The following ADAM22 variants were observed in gnomAD, a reference collection of about 807,000 sequenced individuals.
ADAM22 encodes the protein ADAM metallopeptidase domain 22, also known as disintegrin and metalloproteinase domain-containing protein 22.
In ADAM22, 65 loss-of-function variants were observed where a neutral mutation model predicts 144.6. The ratio of observed to expected loss-of-function variants is 0.45; its 90% CI spans 0.37 to 0.55. The LOEUF (loss-of-function observed/expected upper bound fraction) is 0.55, where lower values mean the gene tolerates loss of function less well. Ranked by LOEUF, ADAM22 falls within the 20% of genes least tolerant of loss-of-function variation. The probability of loss-of-function intolerance (pLI) is 0.00; values close to 1 mark genes in which losing one functional copy is unlikely to be tolerated. For missense variants in ADAM22, 974 were observed against 1,184.9 expected, an observed-to-expected ratio of 0.82 and a Z score of 2.61; for synonymous variants, 391 against 412.6, an observed-to-expected ratio of 0.95 and a Z score of 0.63.
At chr7:88,004,175 C>T (rs10263602) in intron 3 of ADAM22, among the ~76,000 whole-genome samples, 3,033 of 152,260 alleles carry the variant, frequency 0.02, 60 homozygotes, top group African/African-American at 0.054. Flanking sequence ...AGACCTGTAA[C>T]CATTTTCCTG....
intron 3 of ADAM22, among the ~76,000 whole-genome samples, chr7:88,029,967 C>G (rs1460556944): frequency 1.3e-5 from 2 of 151,872 alleles, no homozygotes; most frequent in Non-Finnish European, 2.9e-5. Context: ...GCTAAAGTCT[C>G]TTGGTGTTCT....
chr7:87,950,408 C>A (rs13233691), intron 2 of ADAM22, among the ~76,000 whole-genome samples: 5 of 144,144 alleles, frequency 3.5e-5, no homozygotes, highest in Admixed American at 6.9e-5. Flanking sequence ...TTGTTCTTGC[C>A]ATAGTTTACT....
intron 26 of ADAM22, among the ~76,000 whole-genome samples, chr7:88,173,309 T>G (rs962873747): frequency 6.6e-6 from 1 of 152,092 alleles, no homozygotes; most frequent in Non-Finnish European, 1.5e-5. Flanking sequence ...TCTTTTGGAA[T>G]CTAGTCCATC....
intron 27 of ADAM22, 106 bp from the exon 28 acceptor site, chr7:88,181,399 A>G (rs542675082): frequency 4.8e-6 from 4 of 831,608 alleles, no homozygotes; most frequent in Non-Finnish European, 7.4e-6. Flanking sequence ...TTCTTTCTTG[A>G]TTTATTTTAT....
intron 3 of ADAM22, among the ~76,000 whole-genome samples, chr7:88,008,442 C>T (rs558625705): frequency 1.3e-3 from 202 of 152,080 alleles, no homozygotes; most frequent in African/African-American, 4.8e-3. Context: ...TATAAAGACA[C>T]ATGCACACAT....
At chr7:88,053,907 G>A (rs575641919) in intron 3 of ADAM22, among the ~76,000 whole-genome samples, 2 of 152,214 alleles carry the variant, frequency 1.3e-5, no homozygotes, top group South Asian at 4.1e-4. Context: ...GAGGCGGGCA[G>A]ATCACCTGAG....
chr7:87,939,990 C>T lies in ADAM22; in HGVS notation c.246+4804C>T, dbSNP rs1252329602. On this transcript the variant is annotated intron_variant, in intron 2 of 31. Coordinates refer to ENST00000413139, the MANE Select transcript of ADAM22 (RefSeq NM_001324418.2). The stretch of plus-strand genomic sequence containing the variant: ...AGGTGGATCATTTGAGGTCAGGATT[C>T]GAGACCAGCCTGACCAATATGGTGA... Among the ~76,000 whole-genome samples the T allele has an allele frequency of 4.6e-5, 7 of 151,914 alleles. 1 individual carries two copies. The East Asian group carries it at 1.2e-3, about 25-fold the overall frequency.
chr7:88,090,270 C>T (rs1424899856), intron 4 of ADAM22, among the ~76,000 whole-genome samples: 4 of 152,100 alleles, frequency 2.6e-5, no homozygotes, highest in Non-Finnish European at 5.9e-5. Flanking sequence ...AAAGAGAACC[C>T]TCAGGTGCAG....
At position 87,934,313 on chromosome 7, in the gene ADAM22, T is replaced by G; in HGVS notation, c.-153T>G. 1.6e-6 allele frequency: 1 copy of G among 619,212 alleles called. No homozygotes were observed. The highest frequency in any genetic ancestry group is 2.7e-6 in the Non-Finnish European group (1 of 374,818). The allele number at this position is 619,212 out of a possible 1,614,324, so 38.4% of individuals were successfully genotyped here. A position where few individuals can be genotyped will look rare whatever the true frequency, so the allele number is the denominator to read the frequency against. On this transcript the variant is annotated 5_prime_UTR_variant, in exon 1 of 32. Transcript: ENST00000413139. ...AGCACAATGCAGCACTGAGCCGCGG[T>G]GGAGGTTGCAGCGCCACGGCCGCCG...
intron 3 of ADAM22, among the ~76,000 whole-genome samples, chr7:88,040,656 A>T (rs1226302543): frequency 2.0e-5 from 3 of 151,924 alleles, no homozygotes; most frequent in African/African-American, 7.3e-5. Context: ...TTAGTGGCTT[A>T]AAATAACACA....
At chr7:88,053,545 CAAAA>C (rs1172849605) in intron 3 of ADAM22, among the ~76,000 whole-genome samples, 128 of 103,352 alleles carry the variant, frequency 1.2e-3, no homozygotes, top group Non-Finnish European at 1.5e-3. Context: ...CAGGATAACT[CAAAA>C]AAGAAAGAAA....
Position 87,956,107 on chromosome 7 carries a change from C to T in ADAM22, c.246+20921C>T, listed in dbSNP as rs182633347. On this transcript the variant is annotated intron_variant, in intron 2 of 31. Transcript: ENST00000413139. Reference sequence around the variant, plus strand: ...AGTGAGGCAATGCCTCACCCTGCTTCGGCTGGCGCACAGTGTGCTGCATCC... The same window carrying T: ...AGTGAGGCAATGCCTCACCCTGCTTTGGCTGGCGCACAGTGTGCTGCATCC... Among the ~76,000 whole-genome samples, 699 of 152,318 alleles carry T rather than the reference C, an allele frequency of 4.6e-3. 3 individuals carry two copies. Among genetic ancestry groups the T allele is most frequent in the African/African-American group, 0.016 (659 of 41,580 alleles).
intron 4 of ADAM22, among the ~76,000 whole-genome samples, chr7:88,093,237 A>G (rs1820405583): frequency 6.6e-6 from 1 of 152,138 alleles, no homozygotes; most frequent in Non-Finnish European, 1.5e-5. Flanking sequence ...TTATAATTGA[A>G]CAGAAAGTAG....
chr7:88,100,328 A>G (rs1348244960), intron 4 of ADAM22, among the ~76,000 whole-genome samples: 1 of 152,218 alleles, frequency 6.6e-6, no homozygotes, highest in Non-Finnish European at 1.5e-5. Context: ...TTTTTTTGAC[A>G]GGAACTGATA....
chr7:87,989,776 G>C (rs976460208), intron 3 of ADAM22, among the ~76,000 whole-genome samples: 2 of 151,974 alleles, frequency 1.3e-5, no homozygotes, highest in African/African-American at 2.4e-5. Flanking sequence ...ATTTTCCAGG[G>C]GTGGTGGCAC....
chr7:88,024,490 T>C (rs901216400), intron 3 of ADAM22, among the ~76,000 whole-genome samples: 2 of 152,186 alleles, frequency 1.3e-5, no homozygotes, highest in African/African-American at 2.4e-5. Context: ...TATGTCTTCT[T>C]TGGATAAATG....
chr7:88,000,298 A>T (rs1228469727), intron 3 of ADAM22, among the ~76,000 whole-genome samples: 3 of 152,186 alleles, frequency 2.0e-5, no homozygotes, highest in African/African-American at 7.2e-5. Context: ...AGAGATAAAA[A>T]TATACATCAA....
intron 6 of ADAM22, among the ~76,000 whole-genome samples, chr7:88,115,520 CAGAG>C (rs142773750): frequency 6.0e-5 from 9 of 150,268 alleles, no homozygotes; most frequent in African/African-American, 1.2e-4. Flanking sequence ...TCTCACATGG[CAGAG>C]AGAGAGAGAG....
In ADAM22 at chr7:88,095,562, G is replaced by A. The variant is rs184787647; in HGVS notation, c.391-12614G>A. On this transcript the variant is annotated intron_variant, in intron 4 of 31. Transcript: ENST00000413139. ...ATAATCGGCTTGCCTGATGGTAAGC[G>A]CATCCTCCACACAGAGGCTCACATT... 3.9e-5 allele frequency among the ~76,000 whole-genome samples: 6 copies of A among 152,182 alleles called. No homozygotes were observed. In the East Asian group the frequency reaches 1.2e-3, roughly 29 times the overall value.
Sources: gnomAD v4.1 joint callset for allele counts (sites outside exome capture counted in the v4.1 genomes callset) on GRCh38, gnomAD v4.1.1 for gene constraint, MANE v1.5 for transcripts, NCBI Gene and HGNC (gene_info 2026-07-23, HGNC 2026-07-21) for gene names.